AARS1: variants seen among roughly 807,000 people sequenced by gnomAD.
AARS1 encodes the protein alanyl-tRNA synthetase 1, also known as alanine--tRNA ligase, cytoplasmic.
AARS1 carries 72 observed loss-of-function variants against 108.9 expected under a neutral mutation model. The ratio of observed to expected loss-of-function variants is 0.66; its 90% CI spans 0.55 to 0.80. AARS1 has a LOEUF of 0.80. AARS1 is among the 30% of genes least tolerant of loss of function. AARS1 has a pLI of 0.00. For synonymous variants in AARS1, 489 were observed against 465.7 expected (o/e 1.05, Z -0.64); for missense variants, 1,193 against 1,233.2 (o/e 0.97, Z 0.49).
chr16:70,265,210 T>C, intron 10 of AARS1, 108 bp from the exon 11 acceptor site: 2 of 1,395,452 alleles, frequency 1.4e-6, no homozygotes, highest in Non-Finnish European at 2.0e-6. Flanking sequence ...AGAACAGGGT[T>C]TTTCAATCCT....
chr16:70,252,494 A>G lies in AARS1; in HGVS notation c.*227T>C. On this transcript the variant is annotated 3_prime_UTR_variant, in exon 21 of 21. Coordinates refer to ENST00000261772, the MANE Select transcript of AARS1 (RefSeq NM_001605.3). ...GTTATCTATAGATGCGAGCGTGACG[A>G]TCAACAGCAATGCGGGGTTAGTGGT... The G allele has an allele frequency of 5.1e-6, 3 of 587,630 alleles. No homozygotes were observed. The highest frequency in any genetic ancestry group is 9.1e-6 in the Non-Finnish European group (3 of 329,060). 36.4% of individuals were successfully genotyped at this position (587,630 alleles called of 1,614,324 possible). A position where few individuals can be genotyped will look rare whatever the true frequency, so the allele number is the denominator to read the frequency against.
rs1454029023 is a variant in AARS1, at chr16:70,252,431, C to G, written c.*290G>C. The G allele has an allele frequency of 6.0e-6, 3 of 499,626 alleles. No individual in the cohort carries two copies. Among genetic ancestry groups the G allele is most frequent in the African/African-American group, 1.9e-5 (1 of 51,886 alleles). The allele number at this position is 499,626 out of a possible 1,614,324, so 30.9% of individuals were successfully genotyped here. On this transcript the variant is annotated 3_prime_UTR_variant, in exon 21 of 21. Transcript: ENST00000261772. ...TTTATTCTCTGCAGCAAAAACGATT[C>G]CTACTTGCTGACGCGGAAAGCTCAG...
chr16:70,265,434 G>C, intron 10 of AARS1, 104 bp downstream of exon 10: 1 of 1,550,348 alleles, frequency 6.5e-7, no homozygotes. Context: ...AGGGGAAAAA[G>C]CACTTCAAAG....
chr16:70,255,968 C>A, intron 15 of AARS1, 132 bp from the exon 16 acceptor site: 1 of 810,822 alleles, frequency 1.2e-6, no homozygotes, highest in Admixed American at 2.1e-5. Context: ...AGTATTCTGA[C>A]ACCAAGCGGG....
rs566274676 is a variant in AARS1 at position 70,263,198 on chromosome 16, T to C, written c.1493-674A>G. ...CATCAGATTAGTAGATCTTTAAGAGTAGTAATAAATTCCCTAGTCCAAGGT... is the reference window on the plus strand; with the variant it reads ...CATCAGATTAGTAGATCTTTAAGAGCAGTAATAAATTCCCTAGTCCAAGGT... On this transcript the variant is annotated intron_variant, in intron 11 of 20. Transcript: ENST00000261772. Among the ~76,000 whole-genome samples, 20 of 151,874 alleles carry C rather than the reference T, an allele frequency of 1.3e-4. No homozygotes were observed. The Middle Eastern group carries it at 0.01, about 78-fold the overall frequency.
At chr16:70,257,461 T>C (rs1316878897) in intron 15 of AARS1, among the ~76,000 whole-genome samples, 1 of 152,070 alleles carries the variant, frequency 6.6e-6, no homozygotes, top group African/African-American at 2.4e-5. Flanking sequence ...AAGGCTTCAT[T>C]TGGAAGCAGA....
chr16:70,283,414 G>C (rs1960756264), intron 1 of AARS1, among the ~76,000 whole-genome samples: 1 of 147,564 alleles, frequency 6.8e-6, no homozygotes, highest in Admixed American at 6.8e-5. Context: ...AAAAAAAGAA[G>C]GAAAAAAAAA....
chr16:70,266,271 G>A (rs1352657039), intron 9 of AARS1, among the ~76,000 whole-genome samples: 8 of 150,156 alleles, frequency 5.3e-5, no homozygotes, highest in African/African-American at 1.7e-4. Context: ...CCGAGATAGC[G>A]CCACTGCACT....
intron 6 of AARS1, 52 bp from the exon 7 acceptor site, chr16:70,269,815 T>C: frequency 6.2e-7 from 1 of 1,609,896 alleles, no homozygotes; most frequent in Admixed American, 1.7e-5. Flanking sequence ...TTTCTGGCGC[T>C]ACCTTGCCCA....
intron 1 of AARS1, among the ~76,000 whole-genome samples, chr16:70,284,949 G>A (rs186369579): frequency 1.1e-4 from 17 of 152,272 alleles, no homozygotes; most frequent in East Asian, 1.9e-4. Context: ...AAAACGTTAC[G>A]CCACGTGCGG....
intron 2 of AARS1, among the ~76,000 whole-genome samples, chr16:70,280,067 C>T (rs529432035): frequency 1.6e-4 from 25 of 151,832 alleles, no homozygotes; most frequent in Non-Finnish European, 3.5e-4. Context: ...TTTTCTTTTG[C>T]TTTAATTTTT....
intron 2 of AARS1, among the ~76,000 whole-genome samples, chr16:70,280,158 C>T (rs967776486): frequency 1.3e-5 from 2 of 152,196 alleles, no homozygotes. Flanking sequence ...CTCAAGCAAT[C>T]CTCTTACTTT....
At chr16:70,270,154 A>G (rs1960363117) in intron 6 of AARS1, 42 bp downstream of exon 6, 2 of 1,612,654 alleles carry the variant, frequency 1.2e-6, no homozygotes, top group South Asian at 1.1e-5. Flanking sequence ...ACAGCCTGGA[A>G]AACTCCACAG....
chr16:70,289,317 C>A (rs1960972583), intron 1 of AARS1, 104 bp downstream of exon 1: 1 of 350,356 alleles, frequency 2.9e-6, no homozygotes, highest in African/African-American at 2.1e-5. Context: ...CTCCAGGCCA[C>A]GCGGGGCCTG....
rs756311387 is a variant in AARS1 at position 70,272,368 on chromosome 16, T to C, written c.480-396A>G. On this transcript the variant is annotated intron_variant, in intron 4 of 20. Transcript: ENST00000261772. ...AAAAATACAAAAAATTAGCTGGGTG[T>C]GGTGGCGCATGCCTGTAATCCCAGC... 2.0e-4 allele frequency among the ~76,000 whole-genome samples: 30 copies of C among 151,266 alleles called. 1 individual carries two copies. Among genetic ancestry groups the C allele is most frequent in the South Asian group, 8.4e-4 (4 of 4,770 alleles).
intron 4 of AARS1, among the ~76,000 whole-genome samples, chr16:70,274,211 C>T (rs1960482368): frequency 6.8e-6 from 1 of 147,112 alleles, no homozygotes; most frequent in Non-Finnish European, 1.5e-5. Context: ...TGTGGTGGCA[C>T]GTGCCTGTAA....
intron 20 of AARS1, 66 bp downstream of exon 20, chr16:70,253,200 TAC>T (rs1167968275): frequency 1.5e-6 from 2 of 1,318,712 alleles, no homozygotes; most frequent in African/African-American, 1.5e-5. Flanking sequence ...ATGCAGGCTG[TAC>T]ACACACAGGC....
intron 2 of AARS1, among the ~76,000 whole-genome samples, chr16:70,282,147 G>A (rs961129824): frequency 1.3e-5 from 2 of 150,136 alleles, no homozygotes; most frequent in Admixed American, 1.3e-4. Flanking sequence ...GCAAGACTCC[G>A]TCTCAAAAAA....
At chr16:70,278,623 C>T (rs548746130) in intron 2 of AARS1, among the ~76,000 whole-genome samples, 1 of 151,846 alleles carries the variant, frequency 6.6e-6, no homozygotes, top group Non-Finnish European at 1.5e-5. Flanking sequence ...TCCTCAGTCA[C>T]ACTAGCTCAA....
Sources: gnomAD v4.1 joint callset for allele counts (sites outside exome capture counted in the v4.1 genomes callset) on GRCh38, gnomAD v4.1.1 for gene constraint, MANE v1.5 for transcripts, NCBI Gene and HGNC (gene_info 2026-07-23, HGNC 2026-07-21) for gene names.